The following MGAT4C variants were observed in gnomAD, a reference collection of about 807,000 sequenced individuals.
MGAT4C encodes the protein MGAT4 family member C.
Under a neutral mutation model 40.1 loss-of-function variants are expected in MGAT4C, and 19 were observed. The ratio of observed to expected loss-of-function variants is 0.47; its 90% CI spans 0.33 to 0.70. MGAT4C has a LOEUF of 0.70. MGAT4C is among the 30% of genes least tolerant of loss of function. MGAT4C has a pLI of 0.02. For missense variants in MGAT4C, 491 were observed against 563.2 expected, an observed-to-expected ratio of 0.87 and a Z score of 1.30; for synonymous variants, 181 against 187.1, an observed-to-expected ratio of 0.97 and a Z score of 0.27.
rs183061124 is a variant in MGAT4C, at chr12:86,149,198, T to G, written c.-56-99475A>C. On this transcript the variant is annotated intron_variant, in intron 1 of 4. Coordinates refer to ENST00000611864, the MANE Select transcript of MGAT4C (RefSeq NM_001351288.2). ...TTTCATAAAAATGTTTACTTTTAAA[T>G]TTTTTTCATACTCCTCAATAACAAC... is the stretch of plus-strand genomic sequence containing the variant. 1.3e-3 allele frequency among the ~76,000 whole-genome samples: 200 copies of G among 152,254 alleles called. 2 individuals are homozygous for G. The highest frequency in any genetic ancestry group is 1.9e-3 in the Admixed American group (29 of 15,288).
Position 86,646,202 on chromosome 12 carries a change from G to A in MGAT4C, c.-229+81007C>T, listed in dbSNP as rs139490545. On this transcript the variant is annotated intron_variant, in intron 2 of 7. Transcript: ENST00000548651. Reference sequence around the variant, plus strand: ...CAACATTTATATAAAATCTATTAGCGAAGCAGCATTGGTTAGAAAGGTGGT... The same window carrying A: ...CAACATTTATATAAAATCTATTAGCAAAGCAGCATTGGTTAGAAAGGTGGT... 1.7e-3 allele frequency among the ~76,000 whole-genome samples: 260 copies of A among 151,912 alleles called. 1 individual carries two copies. The highest frequency in any genetic ancestry group is 6.0e-3 in the African/African-American group (249 of 41,510).
chr12:86,274,212 A>G (rs945275727), intron 4 of MGAT4C, among the ~76,000 whole-genome samples: 1 of 152,154 alleles, frequency 6.6e-6, no homozygotes, highest in African/African-American at 2.4e-5. Context: ...GGATGGTGCT[A>G]AACTATTAAT....
intron 1 of MGAT4C, among the ~76,000 whole-genome samples, chr12:86,231,457 T>C (rs1235235634): frequency 2.6e-5 from 4 of 152,290 alleles, no homozygotes; most frequent in South Asian, 2.1e-4. Flanking sequence ...AAACAAAGGA[T>C]TGGCTTATTG....
At chr12:86,057,372 C>G (rs1893511242) in intron 1 of MGAT4C, among the ~76,000 whole-genome samples, 1 of 152,044 alleles carries the variant, frequency 6.6e-6, no homozygotes. Flanking sequence ...TGGTCAGATC[C>G]CTCTTTTTTC....
At position 86,097,363 on chromosome 12, in the gene MGAT4C, A is replaced by C. The variant is rs75526457; in HGVS notation, c.-56-47640T>G. ...ATCACTTGTTTGCCAGAAAGGCACC[A>C]CATTGACTTTAGAATAACAATGAAA... On this transcript the variant is annotated intron_variant, in intron 1 of 4. Coordinates refer to ENST00000611864, the MANE Select transcript of MGAT4C (RefSeq NM_001351288.2). 7.5e-3 allele frequency among the ~76,000 whole-genome samples: 1,134 copies of C among 151,830 alleles called. 9 individuals carry two copies. The highest frequency in any genetic ancestry group is 0.011 in the Non-Finnish European group (770 of 67,658).
intron 2 of MGAT4C, among the ~76,000 whole-genome samples, chr12:86,504,059 A>C (rs897613380): frequency 3.0e-4 from 45 of 151,686 alleles, no homozygotes; most frequent in African/African-American, 1.1e-3. Flanking sequence ...ATGGCCAACA[A>C]ACCTAAGAAA....
At chr12:86,467,366 G>A (rs1957696536) in intron 2 of MGAT4C, among the ~76,000 whole-genome samples, 1 of 152,100 alleles carries the variant, frequency 6.6e-6, no homozygotes, top group African/African-American at 2.4e-5. Context: ...AAGTTAAAGA[G>A]GCACAGACCA....
In MGAT4C at chr12:85,975,508, C is replaced by T. The variant is rs950963979; in HGVS notation, c.*3781G>A. On this transcript the variant is annotated 3_prime_UTR_variant, in exon 5 of 5. Coordinates refer to ENST00000611864, the MANE Select transcript of MGAT4C (RefSeq NM_001351288.2). ...GTTTCAAGAAGGTTAAGTAAATTTCCTCATATTGGGAGGCTGGTAATGCAG... is the reference window on the plus strand; with the variant it reads ...GTTTCAAGAAGGTTAAGTAAATTTCTTCATATTGGGAGGCTGGTAATGCAG... 1.3e-5 allele frequency: 2 copies of T among 150,766 alleles called. No homozygotes were observed. The highest frequency in any genetic ancestry group is 2.4e-5 in the African/African-American group (1 of 41,272). 9.3% of individuals were successfully genotyped at this position (150,766 alleles called of 1,614,324 possible).
chr12:86,114,479 G>T (rs985541944), intron 1 of MGAT4C, among the ~76,000 whole-genome samples: 1 of 151,534 alleles, frequency 6.6e-6, no homozygotes, highest in African/African-American at 2.4e-5. Context: ...AATGAACAAG[G>T]CCATGATACA....
chr12:86,128,430 C>T (rs931508545), intron 1 of MGAT4C, among the ~76,000 whole-genome samples: 2 of 152,126 alleles, frequency 1.3e-5, no homozygotes, highest in African/African-American at 2.4e-5. Flanking sequence ...GGGGTTTCTG[C>T]TTTTGCATCT....
chr12:86,138,721 A>T (rs1827304499), intron 1 of MGAT4C, among the ~76,000 whole-genome samples: 1 of 150,428 alleles, frequency 6.6e-6, no homozygotes. Flanking sequence ...TAAAATACAA[A>T]TCATCTCTAT....
chr12:86,685,600 G>T (rs1000327797), intron 2 of MGAT4C, among the ~76,000 whole-genome samples: 1 of 152,110 alleles, frequency 6.6e-6, no homozygotes, highest in African/African-American at 2.4e-5. Flanking sequence ...GGATAACATT[G>T]AATCTATAAA....
chr12:86,232,065 C>T (rs1951343773), intron 1 of MGAT4C, among the ~76,000 whole-genome samples: 1 of 151,216 alleles, frequency 6.6e-6, no homozygotes, highest in African/African-American at 2.4e-5. Context: ...TCACTTGAAC[C>T]CGGGAGGCCG....
In MGAT4C at chr12:86,006,424, C is replaced by T. The variant is rs527404519; in HGVS notation, c.-6-16872G>A. 3.3e-5 allele frequency among the ~76,000 whole-genome samples: 5 copies of T among 152,242 alleles called. No homozygotes were observed. In the South Asian group the frequency reaches 8.3e-4, roughly 25 times the overall value. ...CAGCAAATATATTATACTACCATAT[C>T]CCAACAGATGTTTCAGCTGGTCCTC... is the stretch of plus-strand genomic sequence containing the variant. On this transcript the variant is annotated intron_variant, in intron 2 of 4. Transcript: ENST00000611864.
At chr12:86,501,284 T>G (rs948687810) in intron 2 of MGAT4C, among the ~76,000 whole-genome samples, 5 of 152,150 alleles carry the variant, frequency 3.3e-5, no homozygotes, top group Admixed American at 3.3e-4. Flanking sequence ...CATTGGAATT[T>G]TAAAAATTAT....
At chr12:86,331,827 A>G (rs1224641937) in intron 4 of MGAT4C, among the ~76,000 whole-genome samples, 3 of 152,176 alleles carry the variant, frequency 2.0e-5, no homozygotes, top group Non-Finnish European at 4.4e-5. Context: ...TGTTTGTGAA[A>G]TCTTGTAAAT....
intron 2 of MGAT4C, among the ~76,000 whole-genome samples, chr12:86,042,350 T>C (rs1891940137): frequency 6.6e-6 from 1 of 152,304 alleles, no homozygotes; most frequent in East Asian, 1.9e-4. Flanking sequence ...ATCCTGTCAT[T>C]GTGTTGTTAG....
At position 85,968,435 on chromosome 12, in the gene MGAT4C, C is replaced by T. The variant is rs1883464098; in HGVS notation, c.*10854G>A. On this transcript the variant is annotated 3_prime_UTR_variant, in exon 5 of 5. Coordinates refer to ENST00000611864, the MANE Select transcript of MGAT4C (RefSeq NM_001351288.2). ...TACGTAGTTCTCCAAAAACGAGAGT[C>T]CCAGATTCAATAGGAAGGCATGCAG... 1 of 151,904 alleles carries T rather than the reference C, an allele frequency of 6.6e-6. No individual in the cohort carries two copies. The highest frequency in any genetic ancestry group is 1.5e-5 in the Non-Finnish European group (1 of 67,912). 9.4% of individuals were successfully genotyped at this position (151,904 alleles called of 1,614,324 possible).
At chr12:86,282,662 C>A (rs1292046017) in intron 4 of MGAT4C, among the ~76,000 whole-genome samples, 2 of 151,956 alleles carry the variant, frequency 1.3e-5, no homozygotes, top group African/African-American at 2.4e-5. Context: ...ATCTAATTAA[C>A]TGTGCTCCTT....
Sources: allele counts gnomAD v4.1 joint callset (sites outside exome capture counted in the v4.1 genomes callset), GRCh38; gene constraint gnomAD v4.1.1; transcripts MANE v1.5; gene names NCBI Gene and HGNC (gene_info 2026-07-23, HGNC 2026-07-21).